LOXHD1: variants seen among roughly 807,000 people sequenced by gnomAD.
LOXHD1 encodes the protein lipoxygenase homology PLAT domains 1, also known as lipoxygenase homology domain-containing protein 1.
A neutral mutation model predicts 248.2 loss-of-function variants in LOXHD1; 205 were observed. That is an observed-to-expected ratio of 0.83 (90% CI 0.74 to 0.93). LOXHD1 has a LOEUF of 0.93. Among genes scored for constraint, LOXHD1 ranks in the 40% least tolerant of loss-of-function variants. The pLI, the probability that LOXHD1 is intolerant of heterozygous loss-of-function variation, is 0.00. For synonymous variants in LOXHD1, 1,113 were observed against 1,162.8 expected (o/e 0.96, Z 0.87); for missense variants, 2,930 against 2,971.6 (o/e 0.99, Z 0.33).
chr18:46,546,689 T>C (rs1480248522), intron 22 of LOXHD1, among the ~76,000 whole-genome samples: 1 of 152,220 alleles, frequency 6.6e-6, no homozygotes, highest in Non-Finnish European at 1.5e-5. Flanking sequence ...CTGTGTGCTT[T>C]ATACTGCCTT....
chr18:46,591,939 T>A lies in LOXHD1; in HGVS notation c.1648A>T (p.Met550Leu). The change falls in exon 12 of 41, where the codon ATG (methionine) becomes TTG (leucine). Residue 550 changes from methionine to leucine, a missense_variant. Met to Leu is a conservative substitution (Grantham distance 15). Coordinates refer to ENST00000642948, the MANE Select transcript of LOXHD1 (RefSeq NM_001384474.1). Reference protein sequence around the residue: ...TAEGPTVRRIMGMARYHVTVC... With the variant: ...TAEGPTVRRILGMARYHVTVC... ...AGAGCCTGTCAGTACTTACTGCCCA[T>A]GATCCTGCGCACTGTTGGGCCTTCT... 1.3e-6 allele frequency: 2 copies of A among 1,551,822 alleles called. No homozygotes were observed.
chr18:46,564,676 TTTTATC>T (rs556637910), intron 17 of LOXHD1, among the ~76,000 whole-genome samples: 187 of 152,300 alleles, frequency 1.2e-3, no homozygotes, highest in Non-Finnish European at 1.6e-3. Context: ...ACTATTGCTT[TTTTATC>T]TTTATCTTTA....
chr18:46,655,275 C>G (rs946147302), intron 1 of LOXHD1, among the ~76,000 whole-genome samples: 2 of 152,198 alleles, frequency 1.3e-5, no homozygotes, highest in African/African-American at 4.8e-5. Context: ...TGGTGCTGAT[C>G]CGCCTGCCTT....
chr18:46,528,546 G>A (rs1034302638), intron 29 of LOXHD1, among the ~76,000 whole-genome samples: 5 of 152,044 alleles, frequency 3.3e-5, no homozygotes, highest in Non-Finnish European at 7.4e-5. Context: ...CTTAACAGAC[G>A]GCTTGCCTGG....
Position 46,594,481 on chromosome 18 carries a change from G to A in LOXHD1, c.1135-15C>T, listed in dbSNP as rs2038227336. 1 of 1,551,054 alleles carries A rather than the reference G, an allele frequency of 6.4e-7. No individual in the cohort carries two copies. The highest frequency in any genetic ancestry group is 8.7e-7 in the Non-Finnish European group (1 of 1,146,970). ...AGAATCACCACCTGGGGAGAGTGGAGCACAGTGTCTCCGGCATTGAGTCTC... is the reference window on the plus strand; with the variant it reads ...AGAATCACCACCTGGGGAGAGTGGAACACAGTGTCTCCGGCATTGAGTCTC... On this transcript the variant is annotated splice_polypyrimidine_tract_variant and intron_variant, in intron 8 of 40. Coordinates refer to ENST00000642948, the MANE Select transcript of LOXHD1 (RefSeq NM_001384474.1).
intron 9 of LOXHD1, 103 bp from the exon 10 acceptor site, chr18:46,593,863 C>A: frequency 8.0e-7 from 1 of 1,249,888 alleles, no homozygotes; most frequent in South Asian, 1.4e-5. Context: ...GACTGAAGGG[C>A]GGGGTATACA....
At chr18:46,529,669 C>T (rs1367428398) in intron 28 of LOXHD1, among the ~76,000 whole-genome samples, 1 of 152,206 alleles carries the variant, frequency 6.6e-6, no homozygotes, top group African/African-American at 2.4e-5. Context: ...GATGTGTCCA[C>T]ACTGTGGTCA....
intron 14 of LOXHD1, among the ~76,000 whole-genome samples, chr18:46,577,449 A>G (rs559492529): frequency 7.2e-4 from 110 of 152,308 alleles, no homozygotes; most frequent in African/African-American, 2.6e-3. Context: ...ACAAGCACCC[A>G]CATTTTGTTG....
At chr18:46,501,641 G>T (rs1395134846) in intron 37 of LOXHD1, among the ~76,000 whole-genome samples, 1 of 152,160 alleles carries the variant, frequency 6.6e-6, no homozygotes, top group Admixed American at 6.5e-5. Flanking sequence ...TTGATCAGTT[G>T]GTGAAAATGT....
At chr18:46,483,809 C>A in intron 39 of LOXHD1, 64 bp from the exon 40 acceptor site, 1 of 1,509,006 alleles carries the variant, frequency 6.6e-7, no homozygotes, top group South Asian at 1.3e-5. Flanking sequence ...AAGCATTTGT[C>A]GGGGGCCTGC....
At chr18:46,544,636 T>C (rs1264244025) in intron 23 of LOXHD1, among the ~76,000 whole-genome samples, 1 of 152,166 alleles carries the variant, frequency 6.6e-6, no homozygotes, top group African/African-American at 2.4e-5. Context: ...ATTTTATAAA[T>C]AGAGGAAACT....
chr18:46,579,654 G>A lies in LOXHD1; in HGVS notation c.1785C>T (p.Asn595=), dbSNP rs2144146877. 6.4e-7 allele frequency: 1 copy of A among 1,551,698 alleles called. No homozygotes were observed. Among genetic ancestry groups the A allele is most frequent in the Non-Finnish European group, 8.7e-7 (1 of 1,146,990 alleles). The change falls in exon 13 of 41, where the codon AAC becomes AAT. Residue 595 remains asparagine (N), a synonymous_variant. Coordinates refer to ENST00000642948, the MANE Select transcript of LOXHD1 (RefSeq NM_001384474.1). ...GERLLYNCRN[N]TDLFEKGNAD... is the part of the protein sequence containing the mutation. ...CATTGCCCTTTTCAAACAGGTCTGT[G>A]TTATTCCTGCAGTTGTAGAGCAGCC... is the stretch of plus-strand genomic sequence containing the variant.
In LOXHD1 at chr18:46,594,484, C is replaced by T. The variant is rs1254159093; in HGVS notation, c.1135-18G>A. 1 of 1,550,836 alleles carries T rather than the reference C, an allele frequency of 6.4e-7. No individual in the cohort carries two copies. The highest frequency in any genetic ancestry group is 8.7e-7 in the Non-Finnish European group (1 of 1,146,976). On this transcript the variant is annotated intron_variant, in intron 8 of 40. Coordinates refer to ENST00000642948, the MANE Select transcript of LOXHD1 (RefSeq NM_001384474.1). Reference sequence around the variant, plus strand: ...ATCACCACCTGGGGAGAGTGGAGCACAGTGTCTCCGGCATTGAGTCTCCAG... The same window carrying T: ...ATCACCACCTGGGGAGAGTGGAGCATAGTGTCTCCGGCATTGAGTCTCCAG...
intron 8 of LOXHD1, among the ~76,000 whole-genome samples, chr18:46,594,952 C>T (rs2144250000): frequency 6.6e-6 from 1 of 152,292 alleles, no homozygotes; most frequent in East Asian, 1.9e-4. Context: ...GTTCTGAACC[C>T]ATGGATTTTG....
At chr18:46,648,743 T>C (rs1242893310) in intron 2 of LOXHD1, among the ~76,000 whole-genome samples, 1 of 152,218 alleles carries the variant, frequency 6.6e-6, no homozygotes, top group South Asian at 2.1e-4. Context: ...AACACAACAC[T>C]GGTCCCTGGT....
Position 46,601,586 on chromosome 18 carries a change from T to G in LOXHD1, c.884-119A>C, listed in dbSNP as rs2038341196. ...AGCCCTCCTCCTCCACACATCCTCT[T>G]TCCCCATCATGTCCTACTCCTCCAG... On this transcript the variant is annotated intron_variant, in intron 7 of 40. Coordinates refer to ENST00000642948, the MANE Select transcript of LOXHD1 (RefSeq NM_001384474.1). The G allele has an allele frequency of 6.0e-6, 8 of 1,337,858 alleles. No homozygotes were observed. The South Asian group carries it at 8.9e-5, about 15-fold the overall frequency. 82.9% of individuals were successfully genotyped at this position (1,337,858 alleles called of 1,614,324 possible). A position where few individuals can be genotyped will look rare whatever the true frequency, so the allele number is the denominator to read the frequency against.
Position 46,542,869 on chromosome 18 carries a change from G to A in LOXHD1, c.3620-14C>T. ...GGAGGGTCATTCCTGTGGATCAGAT[G>A]ACCCCAGCATGACTGGCTGGACCTG... On this transcript the variant is annotated splice_polypyrimidine_tract_variant and intron_variant, in intron 23 of 40. Coordinates refer to ENST00000642948, the MANE Select transcript of LOXHD1 (RefSeq NM_001384474.1). 1.3e-6 allele frequency: 2 copies of A among 1,551,662 alleles called. No homozygotes were observed. The highest frequency in any genetic ancestry group is 1.7e-6 in the Non-Finnish European group (2 of 1,146,992).
chr18:46,617,535 T>G (rs2038604939), intron 5 of LOXHD1, among the ~76,000 whole-genome samples: 1 of 146,012 alleles, frequency 6.8e-6, no homozygotes, highest in Admixed American at 7.1e-5. Context: ...ACCTGGAGAT[T>G]TCTCTTTTTT....
At chr18:46,624,350 G>A (rs1005253310) in intron 4 of LOXHD1, among the ~76,000 whole-genome samples, 3 of 152,160 alleles carry the variant, frequency 2.0e-5, no homozygotes, top group African/African-American at 7.2e-5. Context: ...GAGATGAGGG[G>A]GAATGTTCTC....
Sources: gnomAD v4.1 joint callset for allele counts (sites outside exome capture counted in the v4.1 genomes callset) on GRCh38, gnomAD v4.1.1 for gene constraint, MANE v1.5 for transcripts, NCBI Gene and HGNC (gene_info 2026-07-23, HGNC 2026-07-21) for gene names.